VWDE: variants seen among roughly 807,000 people sequenced by gnomAD.
VWDE encodes von Willebrand factor D and EGF domain-containing protein.
Under a neutral mutation model 178.4 loss-of-function variants are expected in VWDE, and 207 were observed. That is an observed-to-expected ratio of 1.16 (90% CI 1.04 to 1.30). VWDE has a LOEUF of 1.30. Ranked by LOEUF, VWDE falls within the 50% of genes most tolerant of loss-of-function variation. The pLI, the probability that VWDE is intolerant of heterozygous loss-of-function variation, is 0.00. For missense variants in VWDE, 2,287 were observed against 1,901.3 expected (o/e 1.20, Z -3.77); for synonymous variants, 738 against 651.4 (o/e 1.13, Z -2.02).
At chr7:12,383,880 G>A (rs998494783) in intron 3 of VWDE, among the ~76,000 whole-genome samples, 1 of 152,106 alleles carries the variant, frequency 6.6e-6, no homozygotes, top group South Asian at 2.1e-4. Flanking sequence ...TGCTGACAAG[G>A]ATGTGGAGCA....
Position 12,344,357 on chromosome 7 carries a change from T to A in VWDE, c.3982+17A>T, listed in dbSNP as rs184450251. On this transcript the variant is annotated intron_variant, in intron 20 of 28. Transcript: ENST00000275358. ...AAATACAATTTATCATGCAAACTAA[T>A]GAATGATGTTACCTACCAGTTTGGC... is the stretch of plus-strand genomic sequence containing the variant. 3.0e-5 allele frequency: 47 copies of A among 1,550,564 alleles called. No homozygotes were observed. In the African/African-American group the frequency reaches 6.2e-4, roughly 20 times the overall value.
rs192859704 is a variant in VWDE at position 12,363,918 on chromosome 7, C to T, written c.2899-2397G>A. On this transcript the variant is annotated intron_variant, in intron 13 of 28. Coordinates refer to ENST00000275358, the MANE Select transcript of VWDE (RefSeq NM_001135924.3). Reference sequence around the variant, plus strand: ...CTAAACAGAGTGGAAAATAGTTAATCTAACTCACTTTGGAAAGCAGTATCT... The same window carrying T: ...CTAAACAGAGTGGAAAATAGTTAATTTAACTCACTTTGGAAAGCAGTATCT... Among the ~76,000 whole-genome samples the T allele has an allele frequency of 2.2e-3, 342 of 152,092 alleles. 3 individuals are homozygous for T. The highest frequency in any genetic ancestry group is 7.6e-3 in the African/African-American group (315 of 41,546).
At chr7:12,375,441 A>C (rs1221740776) in intron 7 of VWDE, among the ~76,000 whole-genome samples, 1 of 152,072 alleles carries the variant, frequency 6.6e-6, no homozygotes, top group East Asian at 1.9e-4. Context: ...TAATATATAC[A>C]TATGTACACA....
At chr7:12,337,351 C>T (rs1781101634) in intron 24 of VWDE, 79 bp from the exon 25 acceptor site, 1 of 1,190,912 alleles carries the variant, frequency 8.4e-7, no homozygotes, top group Non-Finnish European at 1.2e-6. Context: ...ATGTGCTTGT[C>T]ATCAATGAGG....
Position 12,331,085 on chromosome 7 carries a change from A to G in VWDE, c.*98T>C. The G allele has an allele frequency of 1.1e-6, 1 of 892,786 alleles. No homozygotes were observed. Among genetic ancestry groups the G allele is most frequent in the Non-Finnish European group, 1.7e-6 (1 of 586,094 alleles). The allele number at this position is 892,786 out of a possible 1,614,324, so 55.3% of individuals were successfully genotyped here. A position where few individuals can be genotyped will look rare whatever the true frequency, so the allele number is the denominator to read the frequency against. ...CTTCAGTCTTTAAGATATTTTTTGA[A>G]TGATGTTCAAATAAACTCCAAGTTA... On this transcript the variant is annotated 3_prime_UTR_variant, in exon 29 of 29. Transcript: ENST00000275358.
At position 12,389,350 on chromosome 7, in the gene VWDE, A is replaced by G. The variant is rs1050924874; in HGVS notation, c.252T>C (p.His84=). The G allele has an allele frequency of 1.9e-5, 30 of 1,542,164 alleles. No homozygotes were observed. The highest frequency in any genetic ancestry group is 5.9e-5 in the Admixed American group (3 of 50,804). The change falls in exon 3 of 29, where the codon CAT becomes CAC. Residue 84 remains histidine, a synonymous_variant. Coordinates refer to ENST00000275358, the MANE Select transcript of VWDE (RefSeq NM_001135924.3). ...EMPTKCVEMN[H]CGTQAPIWLS... ...GCCAGATGGGGGCCTGAGTTCCACA[A>G]TGGTTCATCTTTTGCAGGAGAGAAA...
chr7:12,356,001 G>T (rs1472707399), intron 18 of VWDE, 110 bp downstream of exon 18: 7 of 806,914 alleles, frequency 8.7e-6, no homozygotes, highest in Non-Finnish European at 1.4e-5. Context: ...TATTAAAATT[G>T]TAAAGATGTG....
chr7:12,398,645 T>G (rs1159640986), intron 1 of VWDE, among the ~76,000 whole-genome samples: 3 of 152,176 alleles, frequency 2.0e-5, no homozygotes, highest in Non-Finnish European at 4.4e-5. Context: ...ATTGGCTTTT[T>G]GTGCAGGATG....
chr7:12,352,060 G>A (rs1781973036), intron 18 of VWDE, among the ~76,000 whole-genome samples: 1 of 152,110 alleles, frequency 6.6e-6, no homozygotes, highest in Non-Finnish European at 1.5e-5. Flanking sequence ...GGGAAGACCT[G>A]GTGAGAACAT....
At chr7:12,402,159 C>A (rs545746018) in intron 1 of VWDE, among the ~76,000 whole-genome samples, 4 of 152,226 alleles carry the variant, frequency 2.6e-5, no homozygotes, top group South Asian at 4.1e-4. Context: ...GGGTGATAGC[C>A]GGCATGCGGC....
intron 13 of VWDE, 144 bp from the exon 14 acceptor site, chr7:12,361,665 G>C (rs1276539077): frequency 2.8e-6 from 2 of 719,174 alleles, no homozygotes; most frequent in Non-Finnish European, 4.1e-6. Flanking sequence ...GTCACATTGG[G>C]AGTGAGTTTT....
At chr7:12,374,403 T>A (rs1320371929) in intron 9 of VWDE, among the ~76,000 whole-genome samples, 3 of 152,096 alleles carry the variant, frequency 2.0e-5, no homozygotes, top group Non-Finnish European at 4.4e-5. Flanking sequence ...ATTTAATCAT[T>A]ATTAAAAATT....
rs534514042 is a variant in VWDE at position 12,343,229 on chromosome 7, AGTTTAT to A, written c.4079-57_4079-52del. Reference sequence around the variant, plus strand: ...GTCAGTTCTTAATTTTTAAAAAGTCAGTTTATATTTATAAAGCACTGTCACAATAAA... The same window carrying A: ...GTCAGTTCTTAATTTTTAAAAAGTCAATTTATAAAGCACTGTCACAATAAA... On this transcript the variant is annotated intron_variant, in intron 21 of 28. Transcript: ENST00000275358. The A allele has an allele frequency of 9.5e-3, 12,824 of 1,343,698 alleles. 112 individuals are homozygous for A. Among genetic ancestry groups the A allele is most frequent in the Non-Finnish European group, 0.012 (11,890 of 973,154 alleles). 83.2% of individuals were successfully genotyped at this position (1,343,698 alleles called of 1,614,324 possible).
intron 18 of VWDE, among the ~76,000 whole-genome samples, chr7:12,352,775 A>G (rs969579360): frequency 6.6e-6 from 1 of 152,162 alleles, no homozygotes; most frequent in East Asian, 1.9e-4. Flanking sequence ...AATTGTCATC[A>G]AAAAGGGTCC....
chr7:12,336,332 T>C, intron 26 of VWDE, 96 bp from the exon 27 acceptor site: 1 of 995,126 alleles, frequency 1.0e-6, no homozygotes, highest in Non-Finnish European at 1.5e-6. Context: ...AAAAAAGAAA[T>C]AGTTACAAGT....
Position 12,383,618 on chromosome 7 carries a change from T to C in VWDE, c.476-17A>G. ...CAGAAATAGCTGCCAAGGGTTAAGG[T>C]TTGTATAATTATTCAGCTGGGCATG... On this transcript the variant is annotated splice_polypyrimidine_tract_variant and intron_variant, in intron 3 of 28. Transcript: ENST00000275358. 10 of 1,548,136 alleles carry C rather than the reference T, an allele frequency of 6.5e-6. No individual in the cohort carries two copies. Among genetic ancestry groups the C allele is most frequent in the Non-Finnish European group, 8.7e-6 (10 of 1,144,074 alleles).
chr7:12,385,744 T>A (rs1433029267), intron 3 of VWDE, among the ~76,000 whole-genome samples: 1 of 152,198 alleles, frequency 6.6e-6, no homozygotes, highest in East Asian at 1.9e-4. Context: ...AAGGCAAGCT[T>A]CTATCGGCAA....
At chr7:12,339,960 T>C (rs1477817909) in intron 24 of VWDE, among the ~76,000 whole-genome samples, 1 of 152,108 alleles carries the variant, frequency 6.6e-6, no homozygotes, top group Non-Finnish European at 1.5e-5. Context: ...GGGATAATAG[T>C]GGACAGTAGA....
At position 12,370,817 on chromosome 7, in the gene VWDE, C is replaced by G; in HGVS notation, c.1635G>C (p.Trp545Cys). The part of the protein sequence containing the change: ...GAFIRADLGE[W>C]GMSLTIRAPS... ...GGGCTCTGATCGTTAGACTCATGCC[C>G]CATTCACCAAGATCAGCACGGATAA... The change falls in exon 11 of 29, where the codon TGG becomes TGC. Residue 545 changes from tryptophan (W) to cysteine (C), a missense_variant. By Grantham distance (215) the Trp-to-Cys change is radical. Coordinates refer to ENST00000275358, the MANE Select transcript of VWDE (RefSeq NM_001135924.3). The G allele has an allele frequency of 6.4e-7, 1 of 1,550,840 alleles. No homozygotes were observed. Among genetic ancestry groups the G allele is most frequent in the Non-Finnish European group, 8.7e-7 (1 of 1,146,590 alleles).
Sources: allele counts gnomAD v4.1 joint callset (sites outside exome capture counted in the v4.1 genomes callset), GRCh38; gene constraint gnomAD v4.1.1; transcripts MANE v1.5; gene names NCBI Gene and HGNC (gene_info 2026-07-23, HGNC 2026-07-21).